SESN2: variants seen among roughly 807,000 people sequenced by gnomAD.
SESN2 encodes sestrin-2.
Under a neutral mutation model 56.0 loss-of-function variants are expected in SESN2, and 42 were observed. The ratio of observed to expected loss-of-function variants is 0.75; its 90% CI spans 0.59 to 0.97. SESN2 has a LOEUF of 0.97. Ranked by LOEUF, SESN2 falls within the 50% of genes least tolerant of loss-of-function variation. The pLI, the probability that SESN2 is intolerant of heterozygous loss-of-function variation, is 0.00. For synonymous variants in SESN2, 264 were observed against 267.1 expected, an observed-to-expected ratio of 0.99 and a Z score of 0.11; for missense variants, 507 against 649.4, an observed-to-expected ratio of 0.78 and a Z score of 2.38.
rs765250832 is a variant in SESN2 at position 28,259,901 on chromosome 1, C to T, written c.54C>T (p.Phe18=). Reference sequence around the variant, plus strand: ...CAGAGCTCAAGGACTACCTGCGGTTCGCCCCGGGCGGCGTCGGCGACTCGG... The same window carrying T: ...CAGAGCTCAAGGACTACCTGCGGTTTGCCCCGGGCGGCGTCGGCGACTCGG... The part of the protein sequence containing the change: ...CRAELKDYLR[F]APGGVGDSGP... The change falls in exon 1 of 10, where the codon TTC becomes TTT. Residue 18 remains phenylalanine (F), a synonymous_variant. Coordinates refer to ENST00000253063, the MANE Select transcript of SESN2 (RefSeq NM_031459.5). 2.1e-6 allele frequency: 3 copies of T among 1,459,436 alleles called. No homozygotes were observed. Among genetic ancestry groups the T allele is most frequent in the African/African-American group, 1.5e-5 (1 of 67,322 alleles). 90.4% of individuals were successfully genotyped at this position (1,459,436 alleles called of 1,614,324 possible).
intron 1 of SESN2, among the ~76,000 whole-genome samples, chr1:28,263,825 G>A (rs1647465129): frequency 6.6e-6 from 1 of 152,104 alleles, no homozygotes; most frequent in Non-Finnish European, 1.5e-5. Flanking sequence ...TTAGTCTTGT[G>A]TGCAAAATAG....
intron 1 of SESN2, 111 bp from the exon 2 acceptor site, chr1:28,269,072 T>G: frequency 1.6e-6 from 1 of 640,082 alleles, no homozygotes. Flanking sequence ...GCTAGAAAGG[T>G]GGGTTTAACA....
At chr1:28,262,153 G>T (rs1420070392) in intron 1 of SESN2, among the ~76,000 whole-genome samples, 1 of 152,096 alleles carries the variant, frequency 6.6e-6, no homozygotes, top group African/African-American at 2.4e-5. Flanking sequence ...TTGAGTGGTG[G>T]CATCCTTAGA....
At chr1:28,260,760 G>A (rs517085) in intron 1 of SESN2, among the ~76,000 whole-genome samples, 6 of 146,696 alleles carry the variant, frequency 4.1e-5, no homozygotes, top group African/African-American at 1.5e-4. Flanking sequence ...CAGGGAGACC[G>A]GGAATTAGGC....
Position 28,279,234 on chromosome 1 carries a change from CAG to C in SESN2, c.1353_1354del (p.Lys452GlyfsTer211), listed in dbSNP as rs1648152491. 6.2e-7 allele frequency: 1 copy of C among 1,613,954 alleles called. No individual in the cohort carries two copies. The highest frequency in any genetic ancestry group is 1.1e-5 in the South Asian group (1 of 91,076). On this transcript the variant is annotated frameshift_variant, in exon 9 of 10. Coordinates refer to ENST00000253063, the MANE Select transcript of SESN2 (RefSeq NM_031459.5). LOFTEE classifies it high-confidence loss of function. ...CTCTTCTGGAGGCACTTCCGCCACT[CAG>C]AGAAGGTATGACCTATACAGGCAGG...
chr1:28,270,443 TAA>T lies in SESN2; in HGVS notation c.156+1197_156+1198del, dbSNP rs1348650436. ...AGCTAACAAACATTTACCCTCCTTCTAAACCCCTTGTTCCTCTACTCCTTTGT... is the reference window on the plus strand; with the variant it reads ...AGCTAACAAACATTTACCCTCCTTCTACCCCTTGTTCCTCTACTCCTTTGT... On this transcript the variant is annotated intron_variant, in intron 2 of 9. Coordinates refer to ENST00000253063, the MANE Select transcript of SESN2 (RefSeq NM_031459.5). 2.6e-5 allele frequency among the ~76,000 whole-genome samples: 4 copies of T among 152,310 alleles called. No homozygotes were observed. The South Asian group carries it at 8.3e-4, about 32-fold the overall frequency.
intron 1 of SESN2, among the ~76,000 whole-genome samples, chr1:28,265,202 T>A (rs1181714765): frequency 6.6e-6 from 1 of 152,170 alleles, no homozygotes; most frequent in Non-Finnish European, 1.5e-5. Flanking sequence ...GTCCAGGGAA[T>A]TGGGCAGGGA....
At chr1:28,260,342 C>T (rs1055195345) in intron 1 of SESN2, among the ~76,000 whole-genome samples, 3 of 152,128 alleles carry the variant, frequency 2.0e-5, no homozygotes, top group African/African-American at 4.8e-5. Flanking sequence ...CTCCCCGCCC[C>T]CTTCCGCGGA....
intron 1 of SESN2, among the ~76,000 whole-genome samples, chr1:28,267,848 T>C (rs1174359120): frequency 2.0e-5 from 3 of 152,186 alleles, no homozygotes; most frequent in African/African-American, 7.2e-5. Context: ...TTCTCTGTCT[T>C]CATTCACAGA....
intron 7 of SESN2, 141 bp downstream of exon 7, chr1:28,274,299 A>G (rs1297604657): frequency 6.1e-6 from 4 of 654,392 alleles, no homozygotes; most frequent in East Asian, 5.3e-5. Context: ...TGGGAAGCCA[A>G]GGTGGGAGGA....
chr1:28,275,069 G>T, intron 8 of SESN2, 54 bp downstream of exon 8: 1 of 1,294,132 alleles, frequency 7.7e-7, no homozygotes, highest in Admixed American at 2.3e-5. Flanking sequence ...TCTTCACTCT[G>T]GGTTCACAGT....
At chr1:28,276,419 T>C (rs1441700444) in intron 8 of SESN2, among the ~76,000 whole-genome samples, 1 of 150,302 alleles carries the variant, frequency 6.7e-6, no homozygotes, top group Non-Finnish European at 1.5e-5. Flanking sequence ...CTCAAGGCTA[T>C]AGTGAGCCAT....
rs765768421 is a variant in SESN2, at chr1:28,279,125, A to C, written c.1240A>C (p.Asn414His). The C allele has an allele frequency of 6.2e-7, 1 of 1,614,112 alleles. No individual in the cohort carries two copies. The highest frequency in any genetic ancestry group is 8.5e-7 in the Non-Finnish European group (1 of 1,179,956). Residue 414 changes from asparagine to histidine, a missense_variant, in exon 9 of 10, where the codon AAC becomes CAC. Physicochemically the swap from Asn to His is moderately conservative, Grantham distance 68 (BLOSUM62 1). Coordinates refer to ENST00000253063, the MANE Select transcript of SESN2 (RefSeq NM_031459.5). ...RYDDYDYGEV[N>H]QLLERNLKVY... is the part of the protein sequence containing the mutation. ...TGATGACTATGATTATGGGGAGGTGAACCAGCTCCTGGAGCGGAACCTCAA... is the reference window on the plus strand; with the variant it reads ...TGATGACTATGATTATGGGGAGGTGCACCAGCTCCTGGAGCGGAACCTCAA...
intron 2 of SESN2, among the ~76,000 whole-genome samples, chr1:28,269,748 C>G (rs1647692505): frequency 6.6e-6 from 1 of 152,132 alleles, no homozygotes; most frequent in African/African-American, 2.4e-5. Context: ...TACTTACTTT[C>G]AGTACAGAAC....
chr1:28,274,190 C>T (rs766406851), intron 7 of SESN2, 32 bp downstream of exon 7: 6 of 1,374,480 alleles, frequency 4.4e-6, no homozygotes, highest in African/African-American at 1.4e-5. Flanking sequence ...TTGGCCATTG[C>T]TCCACATTTA....
intron 1 of SESN2, among the ~76,000 whole-genome samples, chr1:28,262,761 T>A (rs1647423225): frequency 6.6e-6 from 1 of 151,824 alleles, no homozygotes. Context: ...ACCCCGTCTC[T>A]ACTAAAAATA....
intron 1 of SESN2, among the ~76,000 whole-genome samples, chr1:28,260,473 T>C (rs519176): frequency 0.95 from 145,190 of 152,170 alleles, 69,340 homozygotes; most frequent in East Asian, 1. Context: ...GACCTCATCC[T>C]ATGTCCACCG....
intron 3 of SESN2, 69 bp downstream of exon 3, chr1:28,271,940 C>A (rs1219974736): frequency 5.5e-6 from 8 of 1,453,088 alleles, no homozygotes; most frequent in Non-Finnish European, 7.7e-6. Context: ...GATCTCTTTT[C>A]TGGGAGCTTT....
chr1:28,274,288 T>C, intron 7 of SESN2, 130 bp downstream of exon 7: 2 of 676,672 alleles, frequency 3.0e-6, no homozygotes, highest in Non-Finnish European at 5.3e-6. Context: ...TCCCAGCACT[T>C]TGGGAAGCCA....
Sources: gnomAD v4.1 joint callset for allele counts (sites outside exome capture counted in the v4.1 genomes callset) on GRCh38, gnomAD v4.1.1 for gene constraint, MANE v1.5 for transcripts, NCBI Gene and HGNC (gene_info 2026-07-23, HGNC 2026-07-21) for gene names.